SCYL1: variants seen among roughly 807,000 people sequenced by gnomAD.
The protein encoded by SCYL1 is N-terminal kinase-like protein.
In SCYL1, 85 loss-of-function variants were observed where a neutral mutation model predicts 94.8. The ratio of observed to expected loss-of-function variants is 0.90; its 90% CI spans 0.75 to 1.07. The LOEUF is 1.07. SCYL1 is among the 50% of genes least tolerant of loss of function. SCYL1 has a pLI of 0.00. For synonymous variants in SCYL1, 459 were observed against 435.5 expected (o/e 1.05, Z -0.67); for missense variants, 968 against 1,083.3 (o/e 0.89, Z 1.49).
chr11:65,538,495 A>G lies in SCYL1; in HGVS notation c.2356A>G (p.Met786Val). The G allele has an allele frequency of 6.2e-7, 1 of 1,601,452 alleles. No homozygotes were observed. The highest frequency in any genetic ancestry group is 8.5e-7 in the Non-Finnish European group (1 of 1,175,590). Residue 786 changes from methionine (M) to valine (V), a missense_variant, in exon 18 of 18, where the codon ATG becomes GTG. Physicochemically the swap from Met to Val is conservative, Grantham distance 21. Transcript: ENST00000270176. ...GAAGCGCGAGGAGCGGCGGCGGGAG[A>G]TGGAGGCCAAACGCGCCGAGAGGAA... Reference protein sequence around the residue: ...RKKREERRREMEAKRAERKVA... With the variant: ...RKKREERRREVEAKRAERKVA...
At chr11:65,534,964 A>AC (rs1855564677) in intron 9 of SCYL1, among the ~76,000 whole-genome samples, 1 of 152,072 alleles carries the variant, frequency 6.6e-6, no homozygotes, top group African/African-American at 2.4e-5. Context: ...TGTTTGTGTG[A>AC]GTCTAGGTGG....
chr11:65,537,575 T>A (rs986510508), intron 14 of SCYL1, among the ~76,000 whole-genome samples: 4 of 152,030 alleles, frequency 2.6e-5, no homozygotes, highest in Admixed American at 2.0e-4. Flanking sequence ...CAGCAGCAGT[T>A]TCTGGCCCTC....
At chr11:65,534,069 G>A (rs200456230) in intron 9 of SCYL1, among the ~76,000 whole-genome samples, 29 of 151,754 alleles carry the variant, frequency 1.9e-4, no homozygotes, top group Middle Eastern at 3.4e-3. Context: ...TCTACTAAAA[G>A]TACAAAAACA....
At chr11:65,527,678 G>A (rs1855154727) in intron 6 of SCYL1, among the ~76,000 whole-genome samples, 1 of 146,086 alleles carries the variant, frequency 6.8e-6, no homozygotes, top group Non-Finnish European at 1.5e-5. Flanking sequence ...GTTGCAGTGA[G>A]CCGAGATCGT....
At chr11:65,531,773 C>G in intron 8 of SCYL1, 90 bp downstream of exon 8, 1 of 890,208 alleles carries the variant, frequency 1.1e-6, no homozygotes, top group Non-Finnish European at 1.8e-6. Flanking sequence ...ACAGGGACCC[C>G]AGAAACCCCA....
chr11:65,536,040 G>C lies in SCYL1; in HGVS notation c.1474G>C (p.Ala492Pro). 5 of 1,614,174 alleles carry C rather than the reference G, an allele frequency of 3.1e-6. No individual in the cohort carries two copies. Among genetic ancestry groups the C allele is most frequent in the Non-Finnish European group, 4.2e-6 (5 of 1,180,014 alleles). ...CCGGGTTGCGGGTGTCCTGGGCTTT[G>C]CTGCCACCCACAACCTCTACTCAAT... ...PSRVAGVLGF[A>P]ATHNLYSMND... The change falls in exon 11 of 18, where the codon GCT becomes CCT. Residue 492 changes from alanine (A) to proline (P), a missense_variant. By Grantham distance (27) the Ala-to-Pro change is conservative (BLOSUM62 -1). Around this residue, in one of 2 missense-constraint regions of SCYL1, gnomAD observed 474 missense variants for 463.6 expected, o/e 1.02. Coordinates refer to ENST00000270176, the MANE Select transcript of SCYL1 (RefSeq NM_020680.4).
chr11:65,534,997 A>G, intron 9 of SCYL1: 1 of 567,142 alleles, frequency 1.8e-6, no homozygotes, highest in Non-Finnish European at 3.1e-6. Flanking sequence ...AGAGCAGAGC[A>G]GAGGAAATGG....
At chr11:65,530,814 G>A in intron 7 of SCYL1, 27 bp downstream of exon 7, 2 of 1,588,624 alleles carry the variant, frequency 1.3e-6, no homozygotes, top group East Asian at 2.2e-5. Context: ...GGTCCAGAAG[G>A]CTGGCTGGGT....
chr11:65,531,461 C>T (rs951558409), intron 7 of SCYL1, 115 bp from the exon 8 acceptor site: 7 of 740,692 alleles, frequency 9.5e-6, no homozygotes, highest in African/African-American at 3.4e-5. Context: ...TGCCTGCCCC[C>T]CCCTCCGCCA....
Position 65,527,065 on chromosome 11 carries a change from G to A in SCYL1, c.797G>A (p.Gly266Asp). The change falls in exon 6 of 18, where the codon GGC becomes GAC. Residue 266 changes from glycine (G) to aspartate (D), a missense_variant. Physicochemically the swap from Gly to Asp is moderately conservative, Grantham distance 94 (BLOSUM62 -1). Around this residue, in one of 2 missense-constraint regions of SCYL1, gnomAD observed 494 missense variants for 619.7 expected, o/e 0.80. Coordinates refer to ENST00000270176, the MANE Select transcript of SCYL1 (RefSeq NM_020680.4). Reference sequence around the variant, plus strand: ...CTGCAGAACTGCCGGGCACCTGGTGGCTTCATGAGCAACCGCTTTGTAGAA... The same window carrying A: ...CTGCAGAACTGCCGGGCACCTGGTGACTTCATGAGCAACCGCTTTGTAGAA... ...RFLQNCRAPG[G>D]FMSNRFVETN... The A allele has an allele frequency of 6.2e-7, 1 of 1,613,630 alleles. No individual in the cohort carries two copies. The highest frequency in any genetic ancestry group is 8.5e-7 in the Non-Finnish European group (1 of 1,180,000).
At chr11:65,533,894 G>A (rs1485738409) in intron 9 of SCYL1, among the ~76,000 whole-genome samples, 1 of 152,124 alleles carries the variant, frequency 6.6e-6, no homozygotes, top group Non-Finnish European at 1.5e-5. Flanking sequence ...AGACCAGCCT[G>A]GCCAACATGG....
At chr11:65,533,493 CA>C (rs989240922) in intron 9 of SCYL1, among the ~76,000 whole-genome samples, 7 of 152,152 alleles carry the variant, frequency 4.6e-5, no homozygotes, top group Admixed American at 1.3e-4. Flanking sequence ...AAACAGTGGT[CA>C]GGGGCTGGGC....
chr11:65,526,904 G>C lies in SCYL1; in HGVS notation c.693+31G>C, dbSNP rs748738279. On this transcript the variant is annotated intron_variant, in intron 5 of 17. Transcript: ENST00000270176. This position sits in a 1 kb window ranked among gnomAD's most constrained non-coding sequence, Gnocchi z 4.1. Reference sequence around the variant, plus strand: ...TTTCTTGCCCCTGGCTCTTTGCCCTGCCTCAGCCCCTCTGCCAGCTGGCTA... The same window carrying C: ...TTTCTTGCCCCTGGCTCTTTGCCCTCCCTCAGCCCCTCTGCCAGCTGGCTA... 1 of 1,611,492 alleles carries C rather than the reference G, an allele frequency of 6.2e-7. No individual in the cohort carries two copies. The highest frequency in any genetic ancestry group is 1.3e-5 in the African/African-American group (1 of 74,866).
At position 65,538,467 on chromosome 11, in the gene SCYL1, G is replaced by C. The variant is rs1186358548; in HGVS notation, c.2328G>C (p.Arg776=). The change falls in exon 18 of 18, where the codon CGG becomes CGC. Residue 776 remains arginine (R), a synonymous_variant. Transcript: ENST00000270176. ...GACAGGTCAAGGCTGAGCTGGCCCG[G>C]AAGAAGCGCGAGGAGCGGCGGCGGG... ...DSRQVKAELA[R]KKREERRREM... 1.9e-6 allele frequency: 3 copies of C among 1,576,622 alleles called. No individual in the cohort carries two copies. Among genetic ancestry groups the C allele is most frequent in the Admixed American group, 1.8e-5 (1 of 54,268 alleles).
chr11:65,525,316 C>A (rs930268528), intron 1 of SCYL1, 52 bp downstream of exon 1: 2 of 1,296,964 alleles, frequency 1.5e-6, no homozygotes, highest in African/African-American at 1.6e-5. Flanking sequence ...CTTGCCTATT[C>A]CGCGCCGCCG....
Position 65,536,788 on chromosome 11 carries a change from G to A in SCYL1, c.1816+38G>A, listed in dbSNP as rs568478241. 120 of 1,564,650 alleles carry A rather than the reference G, an allele frequency of 7.7e-5. 2 individuals carry two copies. In the South Asian group the frequency reaches 1.3e-3, roughly 17 times the overall value. On this transcript the variant is annotated intron_variant, in intron 13 of 17. Transcript: ENST00000270176. ...GCCTAGCTGCATCAGTGGCTGAGAG[G>A]GCTGAGAGCTGCAGGCACCCAGGAA...
rs1855080932 is a variant in SCYL1, at chr11:65,526,382, G to A, written c.602+32G>A. 1 of 1,542,226 alleles carries A rather than the reference G, an allele frequency of 6.5e-7. No homozygotes were observed. On this transcript the variant is annotated intron_variant, in intron 4 of 17. Transcript: ENST00000270176. The surrounding 1 kb of genome is among the most constrained non-coding windows in gnomAD (Gnocchi z 4.1). The stretch of plus-strand genomic sequence containing the variant: ...GACTGGGGGCAGCGCGCCCCAACCT[G>A]CCCTGTCCTGGAGGCCCCTGCAGCC...
At chr11:65,531,789 G>A in intron 8 of SCYL1, 106 bp downstream of exon 8, 1 of 777,858 alleles carries the variant, frequency 1.3e-6, no homozygotes, top group Middle Eastern at 3.3e-4. Context: ...CCCCACCCCT[G>A]AACATACACA....
intron 6 of SCYL1, among the ~76,000 whole-genome samples, chr11:65,529,579 C>A (rs1855266460): frequency 6.6e-6 from 1 of 152,246 alleles, no homozygotes; most frequent in African/African-American, 2.4e-5. Flanking sequence ...CTGAGCTGCT[C>A]AAGGGCCATC....
Sources: gnomAD v4.1 joint callset for allele counts (sites outside exome capture counted in the v4.1 genomes callset) on GRCh38, gnomAD v4.1.1 for gene constraint, gnomAD v4.1.1 regional missense constraint, Gnocchi (gnomAD v3.1) non-coding constraint, MANE v1.5 for transcripts, NCBI Gene and HGNC (gene_info 2026-07-23, HGNC 2026-07-21) for gene names.